The following CELF5 variants were observed in gnomAD, a reference collection of about 807,000 sequenced individuals.
CELF5 encodes CUG-BP and ETR-3 like factor 5.
In CELF5, 6 loss-of-function variants were observed where a neutral mutation model predicts 54.9. The observed-to-expected ratio is 0.11, with a 90% confidence interval of 0.06 to 0.22. The LOEUF is 0.22. Ranked by LOEUF, CELF5 falls within the 10% of genes least tolerant of loss-of-function variation. The pLI, the probability that CELF5 is intolerant of heterozygous loss-of-function variation, is 1.00. For synonymous variants in CELF5, 271 were observed against 290.9 expected, an observed-to-expected ratio of 0.93 and a Z score of 0.70; for missense variants, 401 against 678.6, an observed-to-expected ratio of 0.59 and a Z score of 4.54.
In CELF5 at chr19:3,290,389, A is replaced by T. The variant is rs760420729; in HGVS notation, c.1330+15A>T. 3.1e-6 allele frequency: 5 copies of T among 1,610,898 alleles called. No homozygotes were observed. The highest frequency in any genetic ancestry group is 1.7e-5 in the Admixed American group (1 of 59,842). On this transcript the variant is annotated intron_variant, in intron 11 of 12. Transcript: ENST00000292672. ...CAAGTGTTTCGGTGAGTGGCCGCCGACGCCACCCCTCCCCATCCACCTCCC... is the reference window on the plus strand; with the variant it reads ...CAAGTGTTTCGGTGAGTGGCCGCCGTCGCCACCCCTCCCCATCCACCTCCC...
chr19:3,236,443 T>C (rs1321486504), intron 1 of CELF5, among the ~76,000 whole-genome samples: 4 of 152,086 alleles, frequency 2.6e-5, no homozygotes, highest in Non-Finnish European at 5.9e-5. Context: ...TGAGCTGGCT[T>C]TGATCCTTAT....
intron 8 of CELF5, chr19:3,284,628 C>CGGGATA (rs1048443831): frequency 1.0e-5 from 5 of 490,574 alleles, no homozygotes; most frequent in Non-Finnish European, 1.9e-5. Context: ...GCAACCGGGT[C>CGGGATA]GGGATAGGGA....
Position 3,268,814 on chromosome 19 carries a change from C to T in CELF5, c.343-5058C>T, listed in dbSNP as rs1045967036. On this transcript the variant is annotated intron_variant, in intron 2 of 12. Transcript: ENST00000292672. This position sits in a 1 kb window ranked among gnomAD's most constrained non-coding sequence, Gnocchi z 4.4. ...AATGGAAGCAGATGGAGAGAGAGCACGGAAGACTTCAGGGAGGAGGTGGCG... is the reference window on the plus strand; with the variant it reads ...AATGGAAGCAGATGGAGAGAGAGCATGGAAGACTTCAGGGAGGAGGTGGCG... Among the ~76,000 whole-genome samples the T allele has an allele frequency of 1.0e-4, 15 of 150,660 alleles. No homozygotes were observed. Among genetic ancestry groups the T allele is most frequent in the Non-Finnish European group, 1.8e-4 (12 of 67,848 alleles).
chr19:3,246,725 A>G (rs2079572560), intron 1 of CELF5, among the ~76,000 whole-genome samples: 1 of 152,078 alleles, frequency 6.6e-6, no homozygotes, highest in Non-Finnish European at 1.5e-5. Flanking sequence ...AAAAACAAAA[A>G]TTGGACAAGA....
At chr19:3,292,888 C>T (rs1175616091) in intron 11 of CELF5, among the ~76,000 whole-genome samples, 2 of 151,984 alleles carry the variant, frequency 1.3e-5, no homozygotes, top group African/African-American at 2.4e-5. Context: ...AGAGTGAGAT[C>T]CTGTCCCCAC....
At chr19:3,277,249 G>A (rs890072609) in intron 4 of CELF5, among the ~76,000 whole-genome samples, 1 of 152,042 alleles carries the variant, frequency 6.6e-6, no homozygotes, top group African/African-American at 2.4e-5. Flanking sequence ...GCTGAGGCAG[G>A]TGGATCACGA....
At chr19:3,274,239 G>A (rs562392073) in intron 3 of CELF5, among the ~76,000 whole-genome samples, 8 of 152,218 alleles carry the variant, frequency 5.3e-5, no homozygotes, top group South Asian at 2.1e-4. Flanking sequence ...TAACTGGGGG[G>A]CTTCAGACAC....
intron 1 of CELF5, 39 bp downstream of exon 1, chr19:3,225,037 C>G: frequency 7.6e-7 from 1 of 1,310,042 alleles, no homozygotes; most frequent in South Asian, 1.4e-5. Context: ...CCCCTCCCTC[C>G]GCCTCCCACC....
At chr19:3,285,364 C>G (rs1286804418) in intron 9 of CELF5, among the ~76,000 whole-genome samples, 2 of 150,216 alleles carry the variant, frequency 1.3e-5, no homozygotes, top group Non-Finnish European at 3.0e-5. Context: ...TGCCTTTACT[C>G]TGACCACGCC....
chr19:3,245,976 A>G (rs1417728145), intron 1 of CELF5, among the ~76,000 whole-genome samples: 1 of 152,224 alleles, frequency 6.6e-6, no homozygotes, highest in Non-Finnish European at 1.5e-5. Context: ...GGCACAACCC[A>G]CTTCAGAAAA....
intron 2 of CELF5, among the ~76,000 whole-genome samples, chr19:3,261,746 A>G (rs1341700293): frequency 6.6e-6 from 1 of 151,878 alleles, no homozygotes; most frequent in African/African-American, 2.4e-5. Flanking sequence ...ACTTGAGCCC[A>G]GGAGGTTGAG....
intron 4 of CELF5, 55 bp downstream of exon 4, chr19:3,276,039 G>A: frequency 7.1e-7 from 1 of 1,402,986 alleles, no homozygotes; most frequent in Admixed American, 2.0e-5. Flanking sequence ...AGCTCTGGGG[G>A]CGGGGCCTGT....
intron 2 of CELF5, among the ~76,000 whole-genome samples, chr19:3,259,099 G>T (rs1417548601): frequency 1.3e-5 from 2 of 152,162 alleles, no homozygotes; most frequent in Non-Finnish European, 2.9e-5. Flanking sequence ...GTCGAGAGAT[G>T]GAAGGATTTT....
Position 3,282,094 on chromosome 19 carries a change from T to C in CELF5, c.751-32T>C, listed in dbSNP as rs769279523. On this transcript the variant is annotated intron_variant, in intron 6 of 12. Coordinates refer to ENST00000292672, the MANE Select transcript of CELF5 (RefSeq NM_021938.4). The surrounding 1 kb of genome is among the most constrained non-coding windows in gnomAD (Gnocchi z 5.2). The stretch of plus-strand genomic sequence containing the variant: ...ATAAGCCATGATCTCAGGGCAGATA[T>C]CACCCCAACTGTGACATGTCTTCAC... 1.9e-6 allele frequency: 3 copies of C among 1,613,296 alleles called. No homozygotes were observed. The highest frequency in any genetic ancestry group is 1.1e-5 in the South Asian group (1 of 91,074).
intron 9 of CELF5, among the ~76,000 whole-genome samples, chr19:3,285,370 A>C (rs1599478450): frequency 9.4e-6 from 1 of 106,892 alleles, no homozygotes; most frequent in South Asian, 3.0e-4. Context: ...TACTCTGACC[A>C]CGCCTCTCTG....
chr19:3,286,005 T>A lies in CELF5; in HGVS notation c.1166T>A (p.Leu389Gln). The part of the protein sequence containing the change: ...AHSVPQPPPL[L>Q]QQQQREGPEG... ...AGCGTCCCCCAGCCGCCGCCCCTCC[T>A]GCAGCAGCAGCAGCGAGAAGGTGAG... The change falls in exon 10 of 13, where the codon CTG (leucine) becomes CAG (glutamine). Residue 389 changes from leucine (L) to glutamine (Q), a missense_variant. Coordinates refer to ENST00000292672, the MANE Select transcript of CELF5 (RefSeq NM_021938.4). 6.3e-7 allele frequency: 1 copy of A among 1,583,340 alleles called. No individual in the cohort carries two copies. Among genetic ancestry groups the A allele is most frequent in the Non-Finnish European group, 8.5e-7 (1 of 1,172,398 alleles).
chr19:3,245,334 G>A (rs1287847993), intron 1 of CELF5, among the ~76,000 whole-genome samples: 1 of 146,134 alleles, frequency 6.8e-6, no homozygotes, highest in Non-Finnish European at 1.5e-5. Context: ...ATCTGTGTGT[G>A]TGCGTGTGTT....
chr19:3,240,124 T>C (rs1459099371), intron 1 of CELF5, among the ~76,000 whole-genome samples: 1 of 147,258 alleles, frequency 6.8e-6, no homozygotes, highest in Non-Finnish European at 1.5e-5. Context: ...TTCTCCTGCC[T>C]CAGCCTCCTG....
intron 4 of CELF5, among the ~76,000 whole-genome samples, chr19:3,276,834 C>T (rs1417147437): frequency 1.3e-5 from 1 of 74,222 alleles, no homozygotes; most frequent in Non-Finnish European, 2.4e-5. Flanking sequence ...CAGGTGCTGC[C>T]TGTGAGTAGG....
Sources: allele counts gnomAD v4.1 joint callset (sites outside exome capture counted in the v4.1 genomes callset), GRCh38; gene constraint gnomAD v4.1.1; non-coding constraint Gnocchi (gnomAD v3.1); transcripts MANE v1.5; gene names NCBI Gene and HGNC (gene_info 2026-07-23, HGNC 2026-07-21).